Variants in NCOA3 observed in about 807,000 individuals in gnomAD.
NCOA3 encodes the protein nuclear receptor coactivator 3.
A neutral mutation model predicts 158.8 loss-of-function variants in NCOA3; 51 were observed. That is an observed-to-expected ratio of 0.32 (90% CI 0.26 to 0.41). NCOA3 has a LOEUF of 0.41. NCOA3 is among the 10% of genes least tolerant of loss of function. The probability of loss-of-function intolerance (pLI) is 1.00; values close to 1 mark genes in which losing one functional copy is unlikely to be tolerated. For synonymous variants in NCOA3, 537 were observed against 592.4 expected, an observed-to-expected ratio of 0.91 and a Z score of 1.36; for missense variants, 1,510 against 1,746.6, an observed-to-expected ratio of 0.86 and a Z score of 2.41.
chr20:47,648,328 TA>T (rs1159650545), intron 18 of NCOA3, among the ~76,000 whole-genome samples: 1 of 152,202 alleles, frequency 6.6e-6, no homozygotes, highest in Non-Finnish European at 1.5e-5. Flanking sequence ...GTTTCTTCAC[TA>T]AAAGTCATTT....
intron 17 of NCOA3, among the ~76,000 whole-genome samples, chr20:47,644,737 G>T (rs534750484): frequency 1.3e-4 from 20 of 151,616 alleles, no homozygotes; most frequent in African/African-American, 4.4e-4. Context: ...TCTCCCTATC[G>T]CCCAGGCTGG....
intron 1 of NCOA3, among the ~76,000 whole-genome samples, chr20:47,532,452 T>TA (rs951206684): frequency 1.2e-4 from 18 of 151,928 alleles, no homozygotes; most frequent in Non-Finnish European, 2.1e-4. Flanking sequence ...ACTTCAACTT[T>TA]AAAAAAAATT....
intron 2 of NCOA3, among the ~76,000 whole-genome samples, chr20:47,592,054 T>C (rs1258439312): frequency 6.6e-6 from 1 of 152,200 alleles, no homozygotes; most frequent in Admixed American, 6.5e-5. Context: ...GATTTTCTTT[T>C]GTTTTGAGGT....
intron 8 of NCOA3, among the ~76,000 whole-genome samples, chr20:47,631,929 A>G (rs971953405): frequency 2.6e-5 from 4 of 152,128 alleles, no homozygotes; most frequent in Admixed American, 2.6e-4. Flanking sequence ...CCCCAGATGT[A>G]TTTTTTTCTA....
chr20:47,508,029 A>G (rs2084056510), intron 1 of NCOA3, among the ~76,000 whole-genome samples: 1 of 152,162 alleles, frequency 6.6e-6, no homozygotes, highest in African/African-American at 2.4e-5. Context: ...TGAGATTTTT[A>G]GGTCTATAAA....
chr20:47,627,545 A>G lies in NCOA3; in HGVS notation c.533-16A>G. The G allele has an allele frequency of 6.3e-7, 1 of 1,583,058 alleles. No individual in the cohort carries two copies. On this transcript the variant is annotated splice_polypyrimidine_tract_variant and intron_variant, in intron 6 of 22. Coordinates refer to ENST00000371998, the MANE Select transcript of NCOA3 (RefSeq NM_181659.3). ...TACCAGCTTTTTAAAATGTCATTTC[A>G]ATTTGTTTTCCAAAGTTAATGGAGT... is the stretch of plus-strand genomic sequence containing the variant.
chr20:47,610,176 A>G (rs1229233567), intron 2 of NCOA3, among the ~76,000 whole-genome samples: 1 of 152,154 alleles, frequency 6.6e-6, no homozygotes, highest in East Asian at 1.9e-4. Context: ...TTATTTGAAA[A>G]GACAAATTCT....
intron 1 of NCOA3, among the ~76,000 whole-genome samples, chr20:47,522,859 G>C (rs2084366511): frequency 6.6e-6 from 1 of 151,258 alleles, no homozygotes; most frequent in Non-Finnish European, 1.5e-5. Flanking sequence ...TCTAAGAGCT[G>C]AGGCTTTACG....
At chr20:47,608,888 A>G (rs1260966443) in intron 2 of NCOA3, among the ~76,000 whole-genome samples, 4 of 152,140 alleles carry the variant, frequency 2.6e-5, no homozygotes, top group Non-Finnish European at 4.4e-5. Flanking sequence ...AGCTGCCTCT[A>G]TTCTGTGCTG....
intron 17 of NCOA3, 107 bp downstream of exon 17, chr20:47,642,491 C>T (rs541986846): frequency 2.9e-6 from 2 of 678,372 alleles, no homozygotes; most frequent in South Asian, 1.0e-4. Flanking sequence ...TCTCCTAGTA[C>T]TTGTGTTATA....
At chr20:47,600,452 A>C (rs1464895690) in intron 2 of NCOA3, among the ~76,000 whole-genome samples, 1 of 150,320 alleles carries the variant, frequency 6.7e-6, no homozygotes, top group Non-Finnish European at 1.5e-5. Context: ...GTGGGATTTC[A>C]GGCGTGAGCC....
At chr20:47,615,788 A>C (rs1184315447) in intron 2 of NCOA3, among the ~76,000 whole-genome samples, 3 of 152,202 alleles carry the variant, frequency 2.0e-5, no homozygotes, top group Non-Finnish European at 4.4e-5. Context: ...TATACTTTGG[A>C]CTTTTCCATA....
At chr20:47,633,027 A>G (rs1428858430) in intron 8 of NCOA3, among the ~76,000 whole-genome samples, 1 of 152,006 alleles carries the variant, frequency 6.6e-6, no homozygotes, top group African/African-American at 2.4e-5. Context: ...TTCCTCCCTC[A>G]TGCCCCATTC....
At chr20:47,619,366 T>C (rs2086196310) in intron 2 of NCOA3, among the ~76,000 whole-genome samples, 1 of 152,050 alleles carries the variant, frequency 6.6e-6, no homozygotes, top group Non-Finnish European at 1.5e-5. Context: ...AAATGTAGGC[T>C]GGGTGTGGTG....
At chr20:47,577,618 C>T (rs939245860) in intron 1 of NCOA3, among the ~76,000 whole-genome samples, 1 of 152,152 alleles carries the variant, frequency 6.6e-6, no homozygotes, top group Non-Finnish European at 1.5e-5. Flanking sequence ...CTGTTTATAC[C>T]TGCTTCCCTT....
chr20:47,536,440 A>G (rs1232186274), intron 1 of NCOA3, among the ~76,000 whole-genome samples: 1 of 152,198 alleles, frequency 6.6e-6, no homozygotes, highest in African/African-American at 2.4e-5. Context: ...ATCCTAGGAG[A>G]TAGAAAGTTT....
At chr20:47,653,317 A>G (rs1347852886) in intron 22 of NCOA3, 89 bp from the exon 23 acceptor site, 1 of 1,484,538 alleles carries the variant, frequency 6.7e-7, no homozygotes, top group Non-Finnish European at 9.2e-7. Context: ...ACTGTAAGCC[A>G]TGAATGTGGA....
intron 19 of NCOA3, among the ~76,000 whole-genome samples, chr20:47,650,199 A>C (rs2086759021): frequency 6.6e-6 from 1 of 150,642 alleles, no homozygotes; most frequent in African/African-American, 2.4e-5. Flanking sequence ...TTTAACCCCA[A>C]ATAATTTTCA....
At chr20:47,641,647 C>A (rs1315809505) in intron 16 of NCOA3, among the ~76,000 whole-genome samples, 1 of 151,130 alleles carries the variant, frequency 6.6e-6, no homozygotes, top group Non-Finnish European at 1.5e-5. Flanking sequence ...TACAGGCGCT[C>A]ACCACCACGC....
Sources: gnomAD v4.1 joint callset for allele counts (sites outside exome capture counted in the v4.1 genomes callset) on GRCh38, gnomAD v4.1.1 for gene constraint, MANE v1.5 for transcripts, NCBI Gene and HGNC (gene_info 2026-07-23, HGNC 2026-07-21) for gene names.